The following ARHGAP21 variants were observed in gnomAD, a reference collection of about 807,000 sequenced individuals.
ARHGAP21 encodes rho GTPase-activating protein 21.
In ARHGAP21, 38 loss-of-function variants were observed where a neutral mutation model predicts 164.6. The ratio of observed to expected loss-of-function variants is 0.23; its 90% CI spans 0.18 to 0.30. ARHGAP21 has a LOEUF of 0.30. Ranked by LOEUF, ARHGAP21 falls within the 10% of genes least tolerant of loss-of-function variation. ARHGAP21 has a pLI of 1.00. For missense variants in ARHGAP21, 1,822 were observed against 2,370.7 expected (o/e 0.77, Z 4.81); for synonymous variants, 766 against 857.9 (o/e 0.89, Z 1.87).
At chr10:24,624,716 A>G (rs1593069285) in intron 7 of ARHGAP21, among the ~76,000 whole-genome samples, 1 of 152,074 alleles carries the variant, frequency 6.6e-6, no homozygotes, top group African/African-American at 2.4e-5. Context: ...TGTCATAAGA[A>G]TTACATATTC....
intron 2 of ARHGAP21, among the ~76,000 whole-genome samples, chr10:24,674,810 A>G (rs1258839017): frequency 6.6e-6 from 1 of 152,238 alleles, no homozygotes; most frequent in East Asian, 1.9e-4. Flanking sequence ...CAAATCATGT[A>G]TCTGATAAAG....
At chr10:24,589,331 G>A (rs1270613333) in intron 24 of ARHGAP21, 29 bp from the exon 25 acceptor site, 31 of 1,591,556 alleles carry the variant, frequency 1.9e-5, no homozygotes, top group Non-Finnish European at 2.6e-5. Flanking sequence ...AACATGGTCA[G>A]TATTAGCCAA....
chr10:24,689,080 T>C (rs779121983), intron 2 of ARHGAP21, among the ~76,000 whole-genome samples: 3 of 152,100 alleles, frequency 2.0e-5, no homozygotes, highest in Non-Finnish European at 2.9e-5. Context: ...AAATCATAGA[T>C]CTAGTTGAGC....
intron 2 of ARHGAP21, among the ~76,000 whole-genome samples, chr10:24,682,074 A>G (rs1841816307): frequency 6.6e-6 from 1 of 152,138 alleles, no homozygotes; most frequent in Admixed American, 6.5e-5. Flanking sequence ...AAAGGGATTA[A>G]AACAGTACCA....
At chr10:24,684,934 C>T (rs559787244) in intron 2 of ARHGAP21, among the ~76,000 whole-genome samples, 5 of 152,234 alleles carry the variant, frequency 3.3e-5, no homozygotes, top group Non-Finnish European at 7.4e-5. Flanking sequence ...CCACCGCGCC[C>T]GGCCTAGGAA....
chr10:24,703,707 G>C (rs1843935168), intron 2 of ARHGAP21, among the ~76,000 whole-genome samples: 1 of 152,074 alleles, frequency 6.6e-6, no homozygotes, highest in South Asian at 2.1e-4. Flanking sequence ...TCCTTCAGTT[G>C]TTCTCCTTCC....
At chr10:24,612,681 C>A (rs549846704) in intron 9 of ARHGAP21, among the ~76,000 whole-genome samples, 1 of 151,732 alleles carries the variant, frequency 6.6e-6, no homozygotes, top group Non-Finnish European at 1.5e-5. Flanking sequence ...GGTGAAACCC[C>A]GTCTCTACTA....
chr10:24,654,365 T>G (rs879912780), intron 4 of ARHGAP21, among the ~76,000 whole-genome samples: 11 of 150,884 alleles, frequency 7.3e-5, no homozygotes, highest in Non-Finnish European at 1.3e-4. Flanking sequence ...CATGATTGTA[T>G]ATTTAGAAAA....
intron 4 of ARHGAP21, among the ~76,000 whole-genome samples, chr10:24,656,126 G>A: frequency 6.9e-6 from 1 of 144,354 alleles, no homozygotes; most frequent in African/African-American, 2.6e-5. Context: ...AGTGAGGAGT[G>A]TCTCCGCCCG....
chr10:24,694,749 C>T (rs1002236762), intron 2 of ARHGAP21, among the ~76,000 whole-genome samples: 2 of 152,000 alleles, frequency 1.3e-5, no homozygotes, highest in Non-Finnish European at 2.9e-5. Flanking sequence ...TCCTTTAAGT[C>T]CTCCTAGAAA....
At chr10:24,598,089 C>T (rs747619323) in intron 14 of ARHGAP21, 80 bp from the exon 15 acceptor site, 28 of 1,120,054 alleles carry the variant, frequency 2.5e-5, no homozygotes, top group Non-Finnish European at 3.5e-5. Context: ...TTCTATTGTA[C>T]TGCTTTGCTT....
chr10:24,644,771 G>T (rs10764482), intron 4 of ARHGAP21, among the ~76,000 whole-genome samples: 103,562 of 152,024 alleles, frequency 0.68, 35,899 homozygotes, highest in Middle Eastern at 0.77. Flanking sequence ...TCTCTGACCA[G>T]CTCTTAGAGT....
chr10:24,607,460 C>A (rs1248909312), intron 11 of ARHGAP21, 39 bp downstream of exon 11: 1 of 1,549,046 alleles, frequency 6.5e-7, no homozygotes, highest in South Asian at 1.1e-5. Flanking sequence ...GAACACCCAC[C>A]CACATACAAA....
chr10:24,604,495 G>A (rs2076944952), intron 11 of ARHGAP21, 147 bp from the exon 12 acceptor site: 1 of 465,258 alleles, frequency 2.1e-6, no homozygotes. Context: ...TTCAATGGAA[G>A]AGAAAAAAAG....
intron 4 of ARHGAP21, among the ~76,000 whole-genome samples, chr10:24,664,584 A>G (rs1265696245): frequency 1.3e-5 from 2 of 151,404 alleles, no homozygotes; most frequent in African/African-American, 4.8e-5. Flanking sequence ...AATAATAATA[A>G]TAATAACAGT....
At chr10:24,625,721 T>C (rs1008040506) in intron 7 of ARHGAP21, among the ~76,000 whole-genome samples, 2 of 152,202 alleles carry the variant, frequency 1.3e-5, no homozygotes, top group African/African-American at 2.4e-5. Flanking sequence ...AAATAGGATA[T>C]TGTACTGATA....
chr10:24,714,890 C>A (rs991186186), intron 2 of ARHGAP21, among the ~76,000 whole-genome samples: 9 of 151,988 alleles, frequency 5.9e-5, no homozygotes, highest in African/African-American at 2.2e-4. Context: ...ATTAGCCAGG[C>A]ATGGTGGCGG....
rs1388821415 is a variant in ARHGAP21, at chr10:24,584,846, C to T, written c.5443G>A (p.Val1815Ile). Residue 1815 changes from valine to isoleucine, a missense_variant, in exon 26 of 26, where the codon GTT (valine) becomes ATT (isoleucine). By Grantham distance (29) the Val-to-Ile change is conservative. Transcript: ENST00000396432. ...GGHRDATEIS[V>I]LNFWKVHEQS... ...TCATGCACTTTCCAAAAATTCAAAA[C>T]GCTGATTTCGGTAGCATCTCTGTGC... 4.3e-6 allele frequency: 7 copies of T among 1,613,864 alleles called. No homozygotes were observed. Among genetic ancestry groups the T allele is most frequent in the African/African-American group, 4.0e-5 (3 of 74,920 alleles).
intron 9 of ARHGAP21, among the ~76,000 whole-genome samples, chr10:24,609,263 A>C (rs2077157098): frequency 1.3e-5 from 2 of 152,236 alleles, no homozygotes; most frequent in African/African-American, 2.4e-5. Context: ...GCATTATTGC[A>C]AAGCATTAAA....
Sources: gnomAD v4.1 joint callset for allele counts (sites outside exome capture counted in the v4.1 genomes callset) on GRCh38, gnomAD v4.1.1 for gene constraint, MANE v1.5 for transcripts, NCBI Gene and HGNC (gene_info 2026-07-23, HGNC 2026-07-21) for gene names.